Variants in LRRC1 observed in about 807,000 individuals in gnomAD.
The protein encoded by LRRC1 is leucine-rich repeat-containing protein 1.
Under a neutral mutation model 69.9 loss-of-function variants are expected in LRRC1, and 28 were observed. That is an observed-to-expected ratio of 0.40 (90% CI 0.30 to 0.55). The LOEUF (loss-of-function observed/expected upper bound fraction) is 0.55. Among genes scored for constraint, LRRC1 ranks in the 20% least tolerant of loss-of-function variants. LRRC1 has a pLI of 0.47. For missense variants in LRRC1, 498 were observed against 609.0 expected, an observed-to-expected ratio of 0.82 and a Z score of 1.92; for synonymous variants, 236 against 240.2, an observed-to-expected ratio of 0.98 and a Z score of 0.16.
chr6:53,896,415 T>C, intron 4 of LRRC1, 83 bp from the exon 5 acceptor site: 1 of 1,139,514 alleles, frequency 8.8e-7, no homozygotes. Flanking sequence ...TTGCAACTTG[T>C]CCAGTGTGTG....
At chr6:53,828,348 G>T (rs1238152464) in intron 1 of LRRC1, among the ~76,000 whole-genome samples, 3 of 152,220 alleles carry the variant, frequency 2.0e-5, no homozygotes, top group Non-Finnish European at 2.9e-5. Context: ...GGACCTGGGA[G>T]CCCTGTCACA....
At chr6:53,817,599 C>T (rs933327547) in intron 1 of LRRC1, among the ~76,000 whole-genome samples, 3 of 152,062 alleles carry the variant, frequency 2.0e-5, no homozygotes, top group African/African-American at 7.2e-5. Flanking sequence ...ATCTTTGTAC[C>T]CCCTTAAGAA....
intron 1 of LRRC1, among the ~76,000 whole-genome samples, chr6:53,812,984 T>C (rs959364124): frequency 6.6e-6 from 1 of 151,332 alleles, no homozygotes. Context: ...TAGAGAAAGG[T>C]GGATTGTGGG....
intron 10 of LRRC1, among the ~76,000 whole-genome samples, chr6:53,906,921 A>C (rs1768259089): frequency 1.3e-5 from 2 of 152,252 alleles, no homozygotes; most frequent in Non-Finnish European, 1.5e-5. Context: ...CAGCGTAGGA[A>C]AATGTGCTGA....
chr6:53,828,540 C>T (rs979828179), intron 1 of LRRC1, among the ~76,000 whole-genome samples: 55 of 152,256 alleles, frequency 3.6e-4, no homozygotes, highest in African/African-American at 1.3e-3. Context: ...TGTTGACTGA[C>T]TTTGCAGTAA....
intron 10 of LRRC1, among the ~76,000 whole-genome samples, chr6:53,910,963 G>T (rs149001130): frequency 1.3e-5 from 2 of 152,332 alleles, no homozygotes; most frequent in East Asian, 1.9e-4. Flanking sequence ...GTGAATGTTC[G>T]CTGGGACAGC....
chr6:53,799,224 CTT>C (rs1369381798), intron 1 of LRRC1, among the ~76,000 whole-genome samples: 2 of 152,150 alleles, frequency 1.3e-5, no homozygotes, highest in African/African-American at 4.8e-5. Context: ...CTACATCATT[CTT>C]TCTCATATTC....
At chr6:53,840,781 C>CTTTTT (rs1765755277) in intron 1 of LRRC1, among the ~76,000 whole-genome samples, 1 of 151,260 alleles carries the variant, frequency 6.6e-6, no homozygotes. Context: ...TATGTTGCTT[C>CTTTTT]ATCTGTGATT....
intron 8 of LRRC1, among the ~76,000 whole-genome samples, chr6:53,901,511 A>T (rs867514471): frequency 1.6e-4 from 24 of 151,688 alleles, no homozygotes; most frequent in African/African-American, 5.8e-4. Flanking sequence ...GTACCGGGGT[A>T]CTCCAGCCTG....
Position 53,896,873 on chromosome 6 carries a change from A to T in LRRC1, c.548A>T (p.Asn183Ile). 2 of 1,600,372 alleles carry T rather than the reference A, an allele frequency of 1.2e-6. No homozygotes were observed. The highest frequency in any genetic ancestry group is 2.2e-5 in the East Asian group (1 of 44,792). Reference sequence around the variant, plus strand: ...AGACTAGAAGAACTTGATTTAGGAAACAATGAAATATATAATTTGGTAAGT... The same window carrying T: ...AGACTAGAAGAACTTGATTTAGGAATCAATGAAATATATAATTTGGTAAGT... ...LRRLEELDLGNNEIYNLPESI... is the reference protein window; with the variant it reads ...LRRLEELDLGINEIYNLPESI... Residue 183 changes from asparagine to isoleucine, a missense_variant, in exon 6 of 14, where the codon AAC (asparagine) becomes ATC (isoleucine). Around this residue, in one of 3 missense-constraint regions of LRRC1, gnomAD observed 266 missense variants for 383.9 expected, o/e 0.69. Coordinates refer to ENST00000370888, the MANE Select transcript of LRRC1 (RefSeq NM_018214.5).
Position 53,897,347 on chromosome 6 carries a change from A to G in LRRC1, c.630A>G (p.Ser210=), listed in dbSNP as rs772495217. ...TCTGGTTGGATGGAAATCAACTGTC[A>G]GAATTACCTCAGGTAAGTGGTAATT... The part of the protein sequence containing the change: ...KDLWLDGNQL[S]ELPQEIGNLK... The change falls in exon 7 of 14, where the codon TCA becomes TCG. Residue 210 remains serine (S), a synonymous_variant. Transcript: ENST00000370888. The G allele has an allele frequency of 6.2e-7, 1 of 1,609,770 alleles. No homozygotes were observed. Among genetic ancestry groups the G allele is most frequent in the South Asian group, 1.1e-5 (1 of 90,928 alleles).
intron 1 of LRRC1, among the ~76,000 whole-genome samples, chr6:53,821,213 G>A (rs1765105500): frequency 6.6e-6 from 1 of 152,148 alleles, no homozygotes; most frequent in African/African-American, 2.4e-5. Flanking sequence ...GGGTTCTCAT[G>A]TGTCCACCTT....
intron 10 of LRRC1, 115 bp downstream of exon 10, chr6:53,904,577 G>A (rs1329914480): frequency 1.5e-6 from 1 of 654,526 alleles, no homozygotes; most frequent in Non-Finnish European, 2.6e-6. Context: ...TTTTAAAGGT[G>A]TGAACTCTAA....
chr6:53,871,878 G>A (rs1463653406), intron 2 of LRRC1, among the ~76,000 whole-genome samples: 1 of 152,162 alleles, frequency 6.6e-6, no homozygotes, highest in Admixed American at 6.5e-5. Context: ...ATGTTAGCCA[G>A]GCTGGTCTCG....
chr6:53,913,964 G>A lies in LRRC1; in HGVS notation c.1101G>A (p.Gly367=), dbSNP rs753822862. ...ATELHVLDVA[G]NRLLHLPLSL... ...AACTTCATGTCCTGGATGTGGCAGG[G>A]AACAGGTAAGCCTGTTGTAGTTTGC... The change falls in exon 11 of 14, where the codon GGG becomes GGA. Residue 367 remains glycine (G), a synonymous_variant. Coordinates refer to ENST00000370888, the MANE Select transcript of LRRC1 (RefSeq NM_018214.5). 2 of 1,609,912 alleles carry A rather than the reference G, an allele frequency of 1.2e-6. No homozygotes were observed. The highest frequency in any genetic ancestry group is 1.7e-6 in the Non-Finnish European group (2 of 1,176,502).
intron 2 of LRRC1, among the ~76,000 whole-genome samples, chr6:53,877,087 G>A (rs4587161): frequency 0.55 from 84,311 of 152,098 alleles, 25,022 homozygotes; most frequent in East Asian, 0.9. Context: ...AATCTAGCCA[G>A]AGGTTCCCAA....
At chr6:53,912,255 G>A (rs1052474331) in intron 10 of LRRC1, among the ~76,000 whole-genome samples, 2 of 152,062 alleles carry the variant, frequency 1.3e-5, no homozygotes, top group Non-Finnish European at 2.9e-5. Context: ...GCTGTCAGAG[G>A]GTTAGACCGT....
intron 4 of LRRC1, among the ~76,000 whole-genome samples, chr6:53,895,435 G>A (rs527743380): frequency 3.9e-5 from 6 of 152,250 alleles, no homozygotes; most frequent in South Asian, 2.1e-4. Context: ...GTTAGTACAC[G>A]TGATTCTGGC....
chr6:53,821,957 T>A (rs1320939199), intron 1 of LRRC1, among the ~76,000 whole-genome samples: 1 of 152,094 alleles, frequency 6.6e-6, no homozygotes, highest in Non-Finnish European at 1.5e-5. Flanking sequence ...TTCTTTTGAT[T>A]TTTGAATGGT....
Sources: gnomAD v4.1 joint callset for allele counts (sites outside exome capture counted in the v4.1 genomes callset) on GRCh38, gnomAD v4.1.1 for gene constraint, gnomAD v4.1.1 regional missense constraint, MANE v1.5 for transcripts, NCBI Gene and HGNC (gene_info 2026-07-23, HGNC 2026-07-21) for gene names.